KRT24: variants seen among roughly 807,000 people sequenced by gnomAD.
KRT24 encodes keratin 24, also known as keratin, type I cytoskeletal 24.
Under a neutral mutation model 51.7 loss-of-function variants are expected in KRT24, and 44 were observed. The ratio of observed to expected loss-of-function variants is 0.85; its 90% CI spans 0.67 to 1.09. KRT24 has a LOEUF of 1.09. Ranked by LOEUF, KRT24 falls within the 50% of genes least tolerant of loss-of-function variation. The pLI, the probability that KRT24 is intolerant of heterozygous loss-of-function variation, is 0.00. For missense variants in KRT24, 633 were observed against 647.0 expected (o/e 0.98, Z 0.24); for synonymous variants, 241 against 249.5 (o/e 0.97, Z 0.32).
chr17:40,700,011 G>T lies in KRT24; in HGVS notation c.1130C>A (p.Ser377Tyr). 1 of 1,614,162 alleles carries T rather than the reference G, an allele frequency of 6.2e-7. No homozygotes were observed. The highest frequency in any genetic ancestry group is 1.1e-5 in the South Asian group (1 of 91,058). Residue 377 changes from serine (S) to tyrosine (Y), a missense_variant, in exon 5 of 8, where the codon TCC (serine) becomes TAC (tyrosine). Physicochemically the swap from Ser to Tyr is moderately radical, Grantham distance 144. Coordinates refer to ENST00000264651, the MANE Select transcript of KRT24 (RefSeq NM_019016.3). ...TLQALEIELQ[S>Y]QLAMKSSLEG... ...ATTTGCACATACCATGGCCAGTTGGGACTGAAGCTCAATTTCCAGGGCTTG... is the reference window on the plus strand; with the variant it reads ...ATTTGCACATACCATGGCCAGTTGGTACTGAAGCTCAATTTCCAGGGCTTG...
chr17:40,701,178 T>A lies in KRT24; in HGVS notation c.817A>T (p.Thr273Ser), dbSNP rs750035114. The change falls in exon 3 of 8, where the codon ACC (threonine) becomes TCC (serine). Residue 273 changes from threonine (T) to serine (S), a missense_variant. Transcript: ENST00000264651. ...SDLEMQIESF[T>S]EELAYLRKNH... ...TTCCTCAGGTAGGCTAGCTCCTCGG[T>A]GAAACTCTCAATCTGCATCTCCAGG... The A allele has an allele frequency of 1.7e-5, 28 of 1,613,988 alleles. No individual in the cohort carries two copies. The East Asian group carries it at 3.8e-4, about 22-fold the overall frequency.
chr17:40,702,952 C>G, intron 1 of KRT24, 127 bp downstream of exon 1: 1 of 890,478 alleles, frequency 1.1e-6, no homozygotes, highest in Non-Finnish European at 1.6e-6. Context: ...CACATCAGGT[C>G]CCACTTTGCA....
chr17:40,702,126 T>A (rs1235195289), intron 1 of KRT24, among the ~76,000 whole-genome samples, 193 bp from the exon 2 acceptor site: 1 of 151,848 alleles, frequency 6.6e-6, no homozygotes, highest in Non-Finnish European at 1.5e-5. Context: ...CCGCCTCCCA[T>A]GTTTAAGCGA....
At chr17:40,701,038 A>G in intron 3 of KRT24, 102 bp downstream of exon 3, 2 of 1,176,850 alleles carry the variant, frequency 1.7e-6, no homozygotes, top group Admixed American at 2.0e-5. Context: ...GCTGAGACTA[A>G]AGGCATGAGC....
Position 40,698,081 on chromosome 17 carries a change from TAAG to T in KRT24, c.*153_*155del, listed in dbSNP as rs1288614943. 3.8e-5 allele frequency: 22 copies of T among 574,220 alleles called. No homozygotes were observed. Among genetic ancestry groups the T allele is most frequent in the Non-Finnish European group, 6.2e-5 (20 of 324,968 alleles). 35.6% of individuals were successfully genotyped at this position (574,220 alleles called of 1,614,324 possible). The stretch of plus-strand genomic sequence containing the variant: ...TTTCAAGAGCATTCTAATGAGGAAA[TAAG>T]AAGATGCAGAAAAGTTGGCTAGTCA... On this transcript the variant is annotated 3_prime_UTR_variant, in exon 8 of 8. Transcript: ENST00000264651.
chr17:40,700,811 C>T (rs1158839878), intron 3 of KRT24, among the ~76,000 whole-genome samples: 2 of 152,166 alleles, frequency 1.3e-5, no homozygotes. Flanking sequence ...CCATGTTGGT[C>T]AGGCTGGTCT....
rs761762639 is a variant in KRT24, at chr17:40,700,315, G to C, written c.924C>G (p.Thr308=). ...VTVEMNAAPG[T]DLTKLLNDMR... is the part of the protein sequence containing the mutation. ...TGTCATTCAGTAATTTGGTCAGGTCGGTCCCTGGCGCAGCATTCATTTCTA... is the reference window on the plus strand; with the variant it reads ...TGTCATTCAGTAATTTGGTCAGGTCCGTCCCTGGCGCAGCATTCATTTCTA... Residue 308 remains threonine, a synonymous_variant, in exon 4 of 8, where the codon ACC becomes ACG. Transcript: ENST00000264651. 1 of 1,613,964 alleles carries C rather than the reference G, an allele frequency of 6.2e-7. No homozygotes were observed. Among genetic ancestry groups the C allele is most frequent in the South Asian group, 1.1e-5 (1 of 91,082 alleles).
At chr17:40,700,488 A>G in intron 3 of KRT24, 105 bp from the exon 4 acceptor site, 1 of 808,118 alleles carries the variant, frequency 1.2e-6, no homozygotes, top group East Asian at 2.5e-5. Context: ...TGAAAGGAAA[A>G]AAAAAAAATC....
rs1567863097 is a variant in KRT24 at position 40,701,764 on chromosome 17, TATATATATA to T, written c.698+78_698+86del. ...ATATATATATATATATATATATATA[TATATATATA>T]TATATATTTATTTATAAAATGGAAT... is the stretch of plus-strand genomic sequence containing the variant. On this transcript the variant is annotated intron_variant, in intron 2 of 7. Transcript: ENST00000264651. 41 of 42,502 alleles carry T rather than the reference TATATATATA, an allele frequency of 9.6e-4. 2 individuals carry two copies. The highest frequency in any genetic ancestry group is 2.5e-3 in the African/African-American group (17 of 6,796). 2.6% of individuals were successfully genotyped at this position (42,502 alleles called of 1,614,324 possible).
At position 40,703,554 on chromosome 17, in the gene KRT24, G is replaced by A. The variant is rs773411364; in HGVS notation, c.140C>T (p.Ala47Val). Residue 47 changes from alanine to valine, a missense_variant, in exon 1 of 8, where the codon GCC becomes GTC. By Grantham distance (64) the Ala-to-Val change is moderately conservative. Coordinates refer to ENST00000264651, the MANE Select transcript of KRT24 (RefSeq NM_019016.3). ...CCCCCCACTCAGGCTGCAGCTGCTG[G>A]CTCCTCCTCGGAAGCCCTGGGCCGA... ...GSSAQGFRGGASSCSLSGGSS... is the reference protein window; with the variant it reads ...GSSAQGFRGGVSSCSLSGGSS... 1 of 1,601,382 alleles carries A rather than the reference G, an allele frequency of 6.2e-7. No individual in the cohort carries two copies. The highest frequency in any genetic ancestry group is 1.1e-5 in the South Asian group (1 of 90,760).
At chr17:40,700,662 C>T (rs376751255) in intron 3 of KRT24, among the ~76,000 whole-genome samples, 5 of 151,992 alleles carry the variant, frequency 3.3e-5, no homozygotes, top group African/African-American at 7.2e-5. Context: ...GGCTTGATCT[C>T]GGCTCACTGC....
intron 3 of KRT24, 109 bp downstream of exon 3, chr17:40,701,031 G>C (rs1254112546): frequency 1.8e-6 from 2 of 1,097,010 alleles, no homozygotes; most frequent in Non-Finnish European, 1.3e-6. Flanking sequence ...CAGAGTAGCT[G>C]AGACTAAAGG....
At position 40,701,904 on chromosome 17, in the gene KRT24, C is replaced by G; in HGVS notation, c.645G>C (p.Gly215=). 1 of 1,553,202 alleles carries G rather than the reference C, an allele frequency of 6.4e-7. No individual in the cohort carries two copies. Among genetic ancestry groups the G allele is most frequent in the Non-Finnish European group, 8.7e-7 (1 of 1,142,924 alleles). ...TGGCATTGTCAATGTGCAAAATGAT[C>G]CCAGCATTTTCAACAGTGGCAGCAA... is the stretch of plus-strand genomic sequence containing the variant. The part of the protein sequence containing the change: ...QIIAATVENA[G]IILHIDNARL... The change falls in exon 2 of 8, where the codon GGG becomes GGC. Residue 215 remains glycine, a synonymous_variant. Transcript: ENST00000264651.
In KRT24 at chr17:40,699,563, G is replaced by A; in HGVS notation, c.1242C>T (p.Ile414=). 1.2e-6 allele frequency: 2 copies of A among 1,614,122 alleles called. No individual in the cohort carries two copies. The highest frequency in any genetic ancestry group is 1.7e-6 in the Non-Finnish European group (2 of 1,179,996). ...QTQISALEEE[I]CQIWGETKCQ... ...ATTTAGTCTCACCCCAGATCTGGCAGATCTCCTCCTCCAGGGCACTGATCT... is the reference window on the plus strand; with the variant it reads ...ATTTAGTCTCACCCCAGATCTGGCAAATCTCCTCCTCCAGGGCACTGATCT... Residue 414 remains isoleucine, a synonymous_variant, in exon 6 of 8, where the codon ATC becomes ATT. Coordinates refer to ENST00000264651, the MANE Select transcript of KRT24 (RefSeq NM_019016.3).
In KRT24 at chr17:40,701,241, G is replaced by T; in HGVS notation, c.754C>A (p.Arg252=). The change falls in exon 3 of 8, where the codon CGG becomes AGG. Residue 252 remains arginine, a synonymous_variant. Transcript: ENST00000264651. ...ATAGTCAGGTCATCCAGGACTTTCCGCAGGCCATTGATGTCAGCCTCCACG... is the reference window on the plus strand; with the variant it reads ...ATAGTCAGGTCATCCAGGACTTTCCTCAGGCCATTGATGTCAGCCTCCACG... ...QSVEADINGL[R]KVLDDLTMTR... The T allele has an allele frequency of 1.2e-6, 2 of 1,613,900 alleles. No homozygotes were observed. Among genetic ancestry groups the T allele is most frequent in the Admixed American group, 1.7e-5 (1 of 59,996 alleles).
In KRT24 at chr17:40,698,667, TTA is replaced by T. The variant is rs1414502839; in HGVS notation, c.1362-19_1362-18del. On this transcript the variant is annotated intron_variant, in intron 6 of 7. Transcript: ENST00000264651. ...CTAGAACCACTGGAGAAAAAAAGAA[TTA>T]TGTTTTCCTTTGCAGTTTGCAAAGG... 7.6e-7 allele frequency: 1 copy of T among 1,320,274 alleles called. No individual in the cohort carries two copies. The highest frequency in any genetic ancestry group is 1.8e-5 in the Admixed American group (1 of 56,496). 81.8% of individuals were successfully genotyped at this position (1,320,274 alleles called of 1,614,324 possible).
chr17:40,701,723 G>GTGTA (rs2037679716), intron 2 of KRT24, 128 bp downstream of exon 2: 1 of 38,126 alleles, frequency 2.6e-5, no homozygotes, highest in Non-Finnish European at 6.4e-5. Flanking sequence ...TGATCCTCTA[G>GTGTA]TATATATATA....
chr17:40,700,147 G>A, intron 4 of KRT24, 24 bp from the exon 5 acceptor site: 1 of 1,614,152 alleles, frequency 6.2e-7, no homozygotes, highest in East Asian at 2.2e-5. Context: ...TAATGCAGCT[G>A]TTGTAGGCTG....
At position 40,700,315 on chromosome 17, in the gene KRT24, G is replaced by A. The variant is rs761762639; in HGVS notation, c.924C>T (p.Thr308=). The A allele has an allele frequency of 1.2e-5, 19 of 1,613,846 alleles. No individual in the cohort carries two copies. The highest frequency in any genetic ancestry group is 6.7e-5 in the Admixed American group (4 of 59,980). The change falls in exon 4 of 8, where the codon ACC becomes ACT. Residue 308 remains threonine (T), a synonymous_variant. Coordinates refer to ENST00000264651, the MANE Select transcript of KRT24 (RefSeq NM_019016.3). ...VTVEMNAAPG[T]DLTKLLNDMR... is the part of the protein sequence containing the mutation. ...TGTCATTCAGTAATTTGGTCAGGTCGGTCCCTGGCGCAGCATTCATTTCTA... is the reference window on the plus strand; with the variant it reads ...TGTCATTCAGTAATTTGGTCAGGTCAGTCCCTGGCGCAGCATTCATTTCTA...
Sources: gnomAD v4.1 joint callset for allele counts (sites outside exome capture counted in the v4.1 genomes callset) on GRCh38, gnomAD v4.1.1 for gene constraint, MANE v1.5 for transcripts, NCBI Gene and HGNC (gene_info 2026-07-23, HGNC 2026-07-21) for gene names.